The following NSDHL variants were observed in gnomAD, a reference collection of about 807,000 sequenced individuals.
The protein encoded by NSDHL is sterol-4-alpha-carboxylate 3-dehydrogenase, decarboxylating.
Under a neutral mutation model 23.0 loss-of-function variants are expected in NSDHL, and 1 was observed. The ratio of observed to expected loss-of-function variants is 0.04; its 90% CI spans 0.02 to 0.21. NSDHL has a LOEUF of 0.21. Among genes scored for constraint, NSDHL ranks in the 10% least tolerant of loss-of-function variants. NSDHL has a pLI of 1.00. For synonymous variants in NSDHL, 128 were observed against 121.1 expected (o/e 1.06, Z -0.37); for missense variants, 237 against 300.9 (o/e 0.79, Z 1.57).
In NSDHL at chrX:152,850,251, C is replaced by T; in HGVS notation, c.109-14C>T. Reference sequence around the variant, plus strand: ...ACTACCCTGGTCTTCCCCACCGTTCCTCTCTTTCCACAGGCCAAGAGATGC... The same window carrying T: ...ACTACCCTGGTCTTCCCCACCGTTCTTCTCTTTCCACAGGCCAAGAGATGC... On this transcript the variant is annotated splice_polypyrimidine_tract_variant and intron_variant, in intron 2 of 7. Coordinates refer to ENST00000370274, the MANE Select transcript of NSDHL (RefSeq NM_015922.3). 1 of 1,210,303 alleles carries T rather than the reference C, an allele frequency of 8.3e-7. No individual in the cohort carries two copies. Among genetic ancestry groups the T allele is most frequent in the African/African-American group, 1.7e-5 (1 of 57,888 alleles).
At position 152,846,391 on chromosome X, in the gene NSDHL, C is replaced by G. The variant is rs1556845576; in HGVS notation, c.67C>G (p.Pro23Ala). 2 of 1,208,960 alleles carry G rather than the reference C, an allele frequency of 1.7e-6. No homozygotes were observed. The highest frequency in any genetic ancestry group is 2.2e-6 in the Non-Finnish European group (2 of 892,790). ...ACGGACTCATTTGACAGAGGACACTCCCAAAGTGAATGCTGACATAGAAAA... is the reference window on the plus strand; with the variant it reads ...ACGGACTCATTTGACAGAGGACACTGCCAAAGTGAATGCTGACATAGAAAA... ...VARTHLTEDT[P>A]KVNADIEKVN... Residue 23 changes from proline to alanine, a missense_variant, in exon 2 of 8, where the codon CCC (proline) becomes GCC (alanine). This residue lies in a region of NSDHL where 81 missense variants were observed against 103.3 expected (regional missense o/e 0.78). Coordinates refer to ENST00000370274, the MANE Select transcript of NSDHL (RefSeq NM_015922.3).
At chrX:152,860,471 T>C (rs1310875198) in intron 4 of NSDHL, among the ~76,000 whole-genome samples, 1 of 111,370 alleles carries the variant, frequency 9.0e-6, no homozygotes, top group Non-Finnish European at 1.9e-5. Flanking sequence ...ATCCCAGCGC[T>C]TTGGGAGGCC....
intron 5 of NSDHL, among the ~76,000 whole-genome samples, chrX:152,864,566 G>T (rs1933578134): frequency 8.9e-6 from 1 of 112,179 alleles, no homozygotes; most frequent in Admixed American, 9.4e-5. Flanking sequence ...TTCTCAACTG[G>T]AAATAAGCAA....
At chrX:152,847,612 C>T (rs190340657) in intron 2 of NSDHL, among the ~76,000 whole-genome samples, 44 of 111,744 alleles carry the variant, frequency 3.9e-4, no homozygotes, top group African/African-American at 1.2e-3. Context: ...TTGTGTCCTT[C>T]GAAATAACAT....
intron 3 of NSDHL, among the ~76,000 whole-genome samples, chrX:152,855,352 C>A (rs1602936004): frequency 8.9e-6 from 1 of 111,896 alleles, no homozygotes; most frequent in East Asian, 2.8e-4. Context: ...TTGTTGCTGA[C>A]AGGAAGTCTA....
chrX:152,864,432 G>A (rs1425135915), intron 5 of NSDHL, among the ~76,000 whole-genome samples: 1 of 112,296 alleles, frequency 8.9e-6, no homozygotes, highest in Non-Finnish European at 1.9e-5. Flanking sequence ...TGGAGACCCT[G>A]TGTATTCTCA....
At chrX:152,832,183 G>A (rs1345472213) in intron 1 of NSDHL, among the ~76,000 whole-genome samples, 3 of 111,657 alleles carry the variant, frequency 2.7e-5, no homozygotes, top group African/African-American at 6.5e-5. Flanking sequence ...TGTCCTCTCC[G>A]CCTGCCTCCT....
chrX:152,832,496 C>A (rs1307585689), intron 1 of NSDHL, among the ~76,000 whole-genome samples: 5 of 111,714 alleles, frequency 4.5e-5, no homozygotes, highest in Non-Finnish European at 9.4e-5. Context: ...GGTTAATCTT[C>A]GTAGTGAACG....
intron 3 of NSDHL, among the ~76,000 whole-genome samples, chrX:152,857,047 AAAAAT>A (rs782106476): frequency 8.9e-6 from 1 of 112,853 alleles, no homozygotes; most frequent in African/African-American, 3.2e-5. Context: ...AATGTCTCAA[AAAAAT>A]AAAATAAAAA....
At chrX:152,855,885 C>A (rs1357337968) in intron 3 of NSDHL, among the ~76,000 whole-genome samples, 9 of 112,423 alleles carry the variant, frequency 8.0e-5, no homozygotes, top group African/African-American at 2.9e-4. Flanking sequence ...ATCTAGCCAG[C>A]GTTCAGATAT....
In NSDHL at chrX:152,867,681, C is replaced by T. The variant is rs782113341; in HGVS notation, c.789+8C>T. On this transcript the variant is annotated splice_region_variant and intron_variant, in intron 7 of 7. Transcript: ENST00000370274. ...TCGACACTGGGTGGGAAGGTAAGGC[C>T]TGCTGCACCGGTCCCTGCACAGGTG... The T allele has an allele frequency of 1.2e-5, 14 of 1,146,748 alleles. No individual in the cohort carries two copies. The highest frequency in any genetic ancestry group is 1.7e-5 in the Non-Finnish European group (14 of 836,063). 94.5% of individuals were successfully genotyped at this position (1,146,748 alleles called of 1,213,427 possible). A position where few individuals can be genotyped will look rare whatever the true frequency, so the allele number is the denominator to read the frequency against.
chrX:152,833,488 C>A, intron 1 of NSDHL, among the ~76,000 whole-genome samples: 1 of 110,967 alleles, frequency 9.0e-6, no homozygotes, highest in East Asian at 2.9e-4. Flanking sequence ...CCCCTTGTAA[C>A]TCCCTAGCTT....
chrX:152,842,584 C>T (rs1933210507), intron 1 of NSDHL, among the ~76,000 whole-genome samples: 1 of 111,852 alleles, frequency 8.9e-6, no homozygotes, highest in Admixed American at 9.5e-5. Context: ...TCACTGCAAC[C>T]TCTGCCTCCC....
chrX:152,835,610 C>G (rs782235957), intron 1 of NSDHL, among the ~76,000 whole-genome samples: 7 of 110,858 alleles, frequency 6.3e-5, no homozygotes, highest in African/African-American at 2.0e-4. Context: ...TCATCCATGC[C>G]CCTACAAAGG....
chrX:152,864,970 C>T (rs190992335), intron 5 of NSDHL, among the ~76,000 whole-genome samples: 268 of 112,411 alleles, frequency 2.4e-3, no homozygotes, highest in Middle Eastern at 4.6e-3. Context: ...CATACAGACA[C>T]GCACTGAAGC....
Position 152,868,898 on chromosome X carries a change from T to A in NSDHL, c.904T>A (p.Tyr302Asn). 8.3e-7 allele frequency: 1 copy of A among 1,212,074 alleles called. No homozygotes were observed. Residue 302 changes from tyrosine to asparagine, a missense_variant, in exon 8 of 8, where the codon TAC (tyrosine) becomes AAC (asparagine). Tyr to Asn is a moderately radical substitution (Grantham distance 143). Around this residue, in one of 3 missense-constraint regions of NSDHL, gnomAD observed 117 missense variants for 99.5 expected, o/e 1.18. Transcript: ENST00000370274. ...KYHIPYWVAY[Y>N]LALLLSLLVM... Reference sequence around the variant, plus strand: ...CCACATCCCCTACTGGGTGGCCTACTACCTGGCCCTCCTGCTATCCCTGCT... The same window carrying A: ...CCACATCCCCTACTGGGTGGCCTACAACCTGGCCCTCCTGCTATCCCTGCT...
At chrX:152,851,750 C>T (rs1442260491) in intron 3 of NSDHL, among the ~76,000 whole-genome samples, 1 of 110,965 alleles carries the variant, frequency 9.0e-6, no homozygotes, top group Non-Finnish European at 1.9e-5. Flanking sequence ...TGGCCACCCA[C>T]AGCCGCCTGC....
chrX:152,865,653 A>G (rs1282960787), intron 5 of NSDHL, among the ~76,000 whole-genome samples, 166 bp from the exon 6 acceptor site: 1 of 112,705 alleles, frequency 8.9e-6, no homozygotes, highest in African/African-American at 3.2e-5. Flanking sequence ...CCAGCCACTG[A>G]TGTAGGTTGT....
intron 1 of NSDHL, among the ~76,000 whole-genome samples, chrX:152,840,846 A>T (rs1054732105): frequency 8.8e-6 from 1 of 113,141 alleles, no homozygotes; most frequent in African/African-American, 3.2e-5. Context: ...AAGAGCTGTC[A>T]GACAAGGACG....
Sources: allele counts gnomAD v4.1 joint callset (sites outside exome capture counted in the v4.1 genomes callset), GRCh38; gene constraint gnomAD v4.1.1; regional missense constraint gnomAD v4.1.1; transcripts MANE v1.5; gene names NCBI Gene and HGNC (gene_info 2026-07-23, HGNC 2026-07-21).